Variants in KRTAP4-3 observed in about 807,000 individuals in gnomAD.
KRTAP4-3 encodes the protein keratin associated protein 4-3, also known as keratin-associated protein 4-3.
A neutral mutation model predicts 0.2 loss-of-function variants in KRTAP4-3; 2 were observed. The ratio of observed to expected loss-of-function variants is 8.29; its 90% confidence interval spans 3.39 to 26.09. KRTAP4-3 has a LOEUF of 26.09. Among genes scored for constraint, KRTAP4-3 ranks in the 30% most tolerant of loss-of-function variants. KRTAP4-3 has a pLI of 0.03. For missense variants in KRTAP4-3, 186 were observed against 247.4 expected (o/e 0.75, Z 1.67); for synonymous variants, 65 against 83.6 (o/e 0.78, Z 1.21).
At position 41,167,503 on chromosome 17, in the gene KRTAP4-3, T is replaced by C; in HGVS notation, c.*82A>G. 4 of 1,096,934 alleles carry C rather than the reference T, an allele frequency of 3.6e-6. No homozygotes were observed. Among genetic ancestry groups the C allele is most frequent in the Non-Finnish European group, 5.3e-6 (4 of 755,716 alleles). The allele number at this position is 1,096,934 out of a possible 1,614,324, so 68.0% of individuals were successfully genotyped here. On this transcript the variant is annotated 3_prime_UTR_variant, in exon 1 of 1. Transcript: ENST00000391356. ...CCTCTGTTTTCACGACATCAGGAAGTCCACATGTTCTCTGAATAGATACTC... is the reference window on the plus strand; with the variant it reads ...CCTCTGTTTTCACGACATCAGGAAGCCCACATGTTCTCTGAATAGATACTC...
Position 41,167,265 on chromosome 17 carries a change from A to T in KRTAP4-3, c.*320T>A, listed in dbSNP as rs2015055054. ...ACACTATGAAGTTTTATTGAGGAAC[A>T]TCAAACAATTCCACATGAAAATTGA... On this transcript the variant is annotated 3_prime_UTR_variant, in exon 1 of 1. Coordinates refer to ENST00000391356, the MANE Select transcript of KRTAP4-3 (RefSeq NM_033187.2). The T allele has an allele frequency of 3.9e-6, 1 of 257,378 alleles. No individual in the cohort carries two copies. Among genetic ancestry groups the T allele is most frequent in the African/African-American group, 2.2e-5 (1 of 44,728 alleles). The allele number at this position is 257,378 out of a possible 1,614,324, so 15.9% of individuals were successfully genotyped here. A position where few individuals can be genotyped will look rare whatever the true frequency, so the allele number is the denominator to read the frequency against.
At position 41,167,883 on chromosome 17, in the gene KRTAP4-3, G is replaced by A. The variant is rs2015065347; in HGVS notation, c.290C>T (p.Thr97Ile). 6 of 1,582,390 alleles carry A rather than the reference G, an allele frequency of 3.8e-6. No individual in the cohort carries two copies. The highest frequency in any genetic ancestry group is 4.3e-6 in the Non-Finnish European group (5 of 1,165,824). ...SSCCKPSCCR[T>I]TCCRPSCCIS... is the part of the protein sequence containing the mutation. ...GCAGCAGCTGGGGCGGCAGCAGGTG[G>A]TCCTGCAGCAGCTGGGTTTGCAGCA... is the stretch of plus-strand genomic sequence containing the variant. Residue 97 changes from threonine (T) to isoleucine (I), a missense_variant, in exon 1 of 1, where the codon ACC (threonine) becomes ATC (isoleucine). By Grantham distance (89) the Thr-to-Ile change is moderately conservative. Transcript: ENST00000391356.
chr17:41,167,622 C>A lies in KRTAP4-3; in HGVS notation c.551G>T (p.Cys184Phe), dbSNP rs779829257. 1 of 1,611,596 alleles carries A rather than the reference C, an allele frequency of 6.2e-7. No homozygotes were observed. The highest frequency in any genetic ancestry group is 8.5e-7 in the Non-Finnish European group (1 of 1,177,996). The stretch of plus-strand genomic sequence containing the variant: ...ACTGCCGCAGCAGATGGGGTGGAAG[C>A]AGGTTGTTCTACAGCAGGTGGTCGG... ...SCPTTCCRTT[C>F]FHPICCGSSC... Residue 184 changes from cysteine to phenylalanine, a missense_variant, in exon 1 of 1, where the codon TGC becomes TTC. Cys to Phe is a radical substitution (Grantham distance 205). Around this residue, in one of 3 missense-constraint regions of KRTAP4-3, gnomAD observed 139 missense variants for 128.3 expected, o/e 1.08. Transcript: ENST00000391356.
In KRTAP4-3 at chr17:41,168,176, G is replaced by A. The variant is rs571513370; in HGVS notation, c.-4C>T. 1.9e-5 allele frequency: 31 copies of A among 1,596,484 alleles called. No individual in the cohort carries two copies. The highest frequency in any genetic ancestry group is 9.4e-5 in the African/African-American group (7 of 74,742). ...AGCCACAGCAGGAGCTGACCATGGC[G>A]TCAGAGGGTGGAGGTTCTGGGTGGG... On this transcript the variant is annotated 5_prime_UTR_variant, in exon 1 of 1. The change creates a new upstream start codon in the 5' untranslated region. Coordinates refer to ENST00000391356, the MANE Select transcript of KRTAP4-3 (RefSeq NM_033187.2).
Position 41,167,469 on chromosome 17 carries a change from C to A in KRTAP4-3, c.*116G>T. ...CATACTAATAAAATATTTTCCAAAT[C>A]AGTCCATGCCTCTGTTTTCACGACA... On this transcript the variant is annotated 3_prime_UTR_variant, in exon 1 of 1. Coordinates refer to ENST00000391356, the MANE Select transcript of KRTAP4-3 (RefSeq NM_033187.2). 2 of 750,788 alleles carry A rather than the reference C, an allele frequency of 2.7e-6. No individual in the cohort carries two copies. The highest frequency in any genetic ancestry group is 4.3e-6 in the Non-Finnish European group (2 of 468,112). 46.5% of individuals were successfully genotyped at this position (750,788 alleles called of 1,614,324 possible).
chr17:41,167,339 GA>G lies in KRTAP4-3; in HGVS notation c.*245del. On this transcript the variant is annotated 3_prime_UTR_variant, in exon 1 of 1. Transcript: ENST00000391356. ...AACATCTAGAAGGATACCATTTGAA[GA>G]TTTATGTATATTGAATTAGAATAAA... 2.3e-6 allele frequency: 1 copy of G among 426,924 alleles called. No individual in the cohort carries two copies. The highest frequency in any genetic ancestry group is 4.1e-6 in the Non-Finnish European group (1 of 242,642). The allele number at this position is 426,924 out of a possible 1,614,324, so 26.4% of individuals were successfully genotyped here. A position where few individuals can be genotyped will look rare whatever the true frequency, so the allele number is the denominator to read the frequency against.
chr17:41,167,854 A>C lies in KRTAP4-3; in HGVS notation c.319T>G (p.Ser107Ala). The C allele has an allele frequency of 6.2e-7, 1 of 1,607,364 alleles. No individual in the cohort carries two copies. Among genetic ancestry groups the C allele is most frequent in the Non-Finnish European group, 8.5e-7 (1 of 1,177,486 alleles). ...TTCCRPSCCI[S>A]SCCRPSCCIS... is the part of the protein sequence containing the mutation. Reference sequence around the variant, plus strand: ...CAGCAGGAAGGCCTGCAGCAACTAGAAATGCAGCAGCTGGGGCGGCAGCAG... The same window carrying C: ...CAGCAGGAAGGCCTGCAGCAACTAGCAATGCAGCAGCTGGGGCGGCAGCAG... The change falls in exon 1 of 1, where the codon TCT becomes GCT. Residue 107 changes from serine to alanine, a missense_variant. Ser to Ala is a moderately conservative substitution (Grantham distance 99). Around this residue, in one of 3 missense-constraint regions of KRTAP4-3, gnomAD observed 139 missense variants for 128.3 expected, o/e 1.08. Coordinates refer to ENST00000391356, the MANE Select transcript of KRTAP4-3 (RefSeq NM_033187.2).
Position 41,167,688 on chromosome 17 carries a change from G to T in KRTAP4-3, c.485C>A (p.Pro162His), listed in dbSNP as rs964926763. The T allele has an allele frequency of 6.2e-7, 1 of 1,613,952 alleles. No individual in the cohort carries two copies. Among genetic ancestry groups the T allele is most frequent in the Admixed American group, 1.7e-5 (1 of 59,972 alleles). Residue 162 changes from proline (P) to histidine (H), a missense_variant, in exon 1 of 1, where the codon CCC becomes CAC. Coordinates refer to ENST00000391356, the MANE Select transcript of KRTAP4-3 (RefSeq NM_033187.2). The stretch of plus-strand genomic sequence containing the variant: ...GCGGCAGCTGGACACACAGCAGCTG[G>T]GATGACAGCAACTAGAAATGCAGCA... ...PACCISSCCH[P>H]SCCVSSCRCP...
Position 41,167,736 on chromosome 17 carries a change from T to G in KRTAP4-3, c.437A>C (p.Gln146Pro). 1.2e-6 allele frequency: 2 copies of G among 1,613,472 alleles called. No homozygotes were observed. The highest frequency in any genetic ancestry group is 1.7e-6 in the Non-Finnish European group (2 of 1,179,812). Residue 146 changes from glutamine (Q) to proline (P), a missense_variant, in exon 1 of 1, where the codon CAG becomes CCG. Physicochemically the swap from Gln to Pro is moderately conservative, Grantham distance 76. Around this residue, in one of 3 missense-constraint regions of KRTAP4-3, gnomAD observed 139 missense variants for 128.3 expected, o/e 1.08. Transcript: ENST00000391356. ...ISSCYRPQCCQPSCCRPACCI... is the reference protein window; with the variant it reads ...ISSCYRPQCCPPSCCRPACCI... Reference sequence around the variant, plus strand: ...GCAAGCCGGGCGGCAGCAGGAGGGCTGGCAGCACTGGGGCCTGTAGCAGCT... The same window carrying G: ...GCAAGCCGGGCGGCAGCAGGAGGGCGGGCAGCACTGGGGCCTGTAGCAGCT...
At position 41,167,358 on chromosome 17, in the gene KRTAP4-3, A is replaced by G; in HGVS notation, c.*227T>C. The G allele has an allele frequency of 2.1e-6, 1 of 474,810 alleles. No individual in the cohort carries two copies. The highest frequency in any genetic ancestry group is 3.7e-6 in the Non-Finnish European group (1 of 270,268). The allele number at this position is 474,810 out of a possible 1,614,324, so 29.4% of individuals were successfully genotyped here. ...TTTGAAGATTTATGTATATTGAATT[A>G]GAATAAAGAATTCTAAAACATGTGA... On this transcript the variant is annotated 3_prime_UTR_variant, in exon 1 of 1. Coordinates refer to ENST00000391356, the MANE Select transcript of KRTAP4-3 (RefSeq NM_033187.2).
Position 41,167,627 on chromosome 17 carries a change from T to C in KRTAP4-3, c.546A>G (p.Thr182=), listed in dbSNP as rs768587392. The C allele has an allele frequency of 1.2e-6, 2 of 1,612,258 alleles. No individual in the cohort carries two copies. The highest frequency in any genetic ancestry group is 8.5e-7 in the Non-Finnish European group (1 of 1,178,474). ...CGCAGCAGATGGGGTGGAAGCAGGT[T>C]GTTCTACAGCAGGTGGTCGGGCAGC... The part of the protein sequence containing the change: ...PFSCPTTCCR[T]TCFHPICCGS... Residue 182 remains threonine (T), a synonymous_variant, in exon 1 of 1, where the codon ACA becomes ACG. Coordinates refer to ENST00000391356, the MANE Select transcript of KRTAP4-3 (RefSeq NM_033187.2).
rs369294684 is a variant in KRTAP4-3 at position 41,168,146 on chromosome 17, G to C, written c.27C>G (p.Val9=). 7.4e-6 allele frequency: 12 copies of C among 1,611,504 alleles called. No individual in the cohort carries two copies. The highest frequency in any genetic ancestry group is 1.1e-5 in the South Asian group (1 of 90,838). Residue 9 remains valine, a synonymous_variant, in exon 1 of 1, where the codon GTC becomes GTG. Transcript: ENST00000391356. The part of the protein sequence containing the change: MVSSCCGS[V]CSDQSCGQGL... ...CTTGACCACAGCTCTGGTCAGAGCA[G>C]ACAGAGCCACAGCAGGAGCTGACCA...
rs372620915 is a variant in KRTAP4-3 at position 41,167,602 on chromosome 17, C to G, written c.571G>C (p.Gly191Arg). ...RTTCFHPICC[G>R]SSCC Reference sequence around the variant, plus strand: ...AGCTTCACTCAGCAGCAAGAACTGCCGCAGCAGATGGGGTGGAAGCAGGTT... The same window carrying G: ...AGCTTCACTCAGCAGCAAGAACTGCGGCAGCAGATGGGGTGGAAGCAGGTT... The change falls in exon 1 of 1, where the codon GGC becomes CGC. Residue 191 changes from glycine to arginine, a missense_variant. Physicochemically the swap from Gly to Arg is moderately radical, Grantham distance 125. Coordinates refer to ENST00000391356, the MANE Select transcript of KRTAP4-3 (RefSeq NM_033187.2). 6.2e-7 allele frequency: 1 copy of G among 1,606,144 alleles called. No homozygotes were observed. The highest frequency in any genetic ancestry group is 8.5e-7 in the Non-Finnish European group (1 of 1,174,368).
In KRTAP4-3 at chr17:41,167,977, T is replaced by TGCAGCAGGTGGTCTG. The variant is rs58564583; in HGVS notation, c.195_196insCAGACCACCTGCTGC (p.Cys65_Arg66insGlnThrThrCysCys). ...CAGCTGGGGCGGCAGCAGGTGGTCC[T>TGCAGCAGGTGGTCTG]GCAGCAGCTGGGTTTGCAGCAGCTG... On this transcript the variant is annotated inframe_insertion, in exon 1 of 1. Coordinates refer to ENST00000391356, the MANE Select transcript of KRTAP4-3 (RefSeq NM_033187.2). 2 of 903,308 alleles carry TGCAGCAGGTGGTCTG rather than the reference T, an allele frequency of 2.2e-6. No individual in the cohort carries two copies. The highest frequency in any genetic ancestry group is 1.0e-4 in the African/African-American group (2 of 19,224). 56.0% of individuals were successfully genotyped at this position (903,308 alleles called of 1,614,324 possible). A position where few individuals can be genotyped will look rare whatever the true frequency, so the allele number is the denominator to read the frequency against.
Position 41,167,331 on chromosome 17 carries a change from C to A in KRTAP4-3, c.*254G>T. ...TAGGAAGAAACATCTAGAAGGATAC[C>A]ATTTGAAGATTTATGTATATTGAAT... On this transcript the variant is annotated 3_prime_UTR_variant, in exon 1 of 1. Coordinates refer to ENST00000391356, the MANE Select transcript of KRTAP4-3 (RefSeq NM_033187.2). 2.5e-6 allele frequency: 1 copy of A among 404,396 alleles called. No individual in the cohort carries two copies. Among genetic ancestry groups the A allele is most frequent in the Non-Finnish European group, 4.4e-6 (1 of 229,208 alleles). The allele number at this position is 404,396 out of a possible 1,614,324, so 25.1% of individuals were successfully genotyped here. A position where few individuals can be genotyped will look rare whatever the true frequency, so the allele number is the denominator to read the frequency against.
In KRTAP4-3 at chr17:41,168,196, G is replaced by C; in HGVS notation, c.-24C>G. On this transcript the variant is annotated 5_prime_UTR_variant, in exon 1 of 1. Coordinates refer to ENST00000391356, the MANE Select transcript of KRTAP4-3 (RefSeq NM_033187.2). ...ATGGCGTCAGAGGGTGGAGGTTCTG[G>C]GTGGGTTCCCAGGAGAATGAGGTTC... 2 of 1,577,832 alleles carry C rather than the reference G, an allele frequency of 1.3e-6. No homozygotes were observed. Among genetic ancestry groups the C allele is most frequent in the Non-Finnish European group, 1.7e-6 (2 of 1,159,836 alleles).
In KRTAP4-3 at chr17:41,168,139, C is replaced by A. The variant is rs149778906; in HGVS notation, c.34G>T (p.Asp12Tyr). The change falls in exon 1 of 1, where the codon GAC becomes TAC. Residue 12 changes from aspartate to tyrosine, a missense_variant. Around this residue, in one of 3 missense-constraint regions of KRTAP4-3, gnomAD observed 39 missense variants for 54.0 expected, o/e 0.72. Transcript: ENST00000391356. ...CCGAGACCTTGACCACAGCTCTGGT[C>A]AGAGCAGACAGAGCCACAGCAGGAG... The part of the protein sequence containing the change: ...VSSCCGSVCS[D>Y]QSCGQGLGQE... 4.5e-4 allele frequency: 729 copies of A among 1,609,324 alleles called. 6 individuals carry two copies. The African/African-American group carries it at 9.0e-3, about 20-fold the overall frequency.
rs749727792 is a variant in KRTAP4-3 at position 41,167,740 on chromosome 17, A to G, written c.433T>C (p.Cys145Arg). 1.9e-6 allele frequency: 3 copies of G among 1,613,774 alleles called. No individual in the cohort carries two copies. In the South Asian group the frequency reaches 3.3e-5, roughly 18 times the overall value. ...GCCGGGCGGCAGCAGGAGGGCTGGC[A>G]GCACTGGGGCCTGTAGCAGCTGGAG... ...CISSCYRPQC[C>R]QPSCCRPACC... The change falls in exon 1 of 1, where the codon TGC (cysteine) becomes CGC (arginine). Residue 145 changes from cysteine to arginine, a missense_variant. Physicochemically the swap from Cys to Arg is radical, Grantham distance 180. Transcript: ENST00000391356.
At position 41,167,984 on chromosome 17, in the gene KRTAP4-3, G is replaced by C. The variant is rs1387995284; in HGVS notation, c.189C>G (p.Ser63Arg). ...SCCISSCCKP[S>R]CCRTTCCRPS... The stretch of plus-strand genomic sequence containing the variant: ...GGCGGCAGCAGGTGGTCCTGCAGCA[G>C]CTGGGTTTGCAGCAGCTGGAGATAC... Residue 63 changes from serine to arginine, a missense_variant, in exon 1 of 1, where the codon AGC (serine) becomes AGG (arginine). Ser to Arg is a moderately radical substitution (Grantham distance 110, BLOSUM62 -1). Around this residue, in one of 3 missense-constraint regions of KRTAP4-3, gnomAD observed 8 missense variants for 65.2 expected, o/e 0.12. Coordinates refer to ENST00000391356, the MANE Select transcript of KRTAP4-3 (RefSeq NM_033187.2). 1.6e-6 allele frequency: 2 copies of C among 1,230,658 alleles called. No individual in the cohort carries two copies. The highest frequency in any genetic ancestry group is 3.4e-5 in the African/African-American group (2 of 58,828). The allele number at this position is 1,230,658 out of a possible 1,614,324, so 76.2% of individuals were successfully genotyped here.
Sources: gnomAD v4.1 joint callset for allele counts on GRCh38, gnomAD v4.1.1 for gene constraint, gnomAD v4.1.1 regional missense constraint, MANE v1.5 for transcripts, NCBI Gene and HGNC (gene_info 2026-07-23, HGNC 2026-07-21) for gene names.